The following CNTNAP2 variants were observed in gnomAD, a reference collection of about 807,000 sequenced individuals.
The protein encoded by CNTNAP2 is contactin-associated protein-like 2.
Under a neutral mutation model 155.2 loss-of-function variants are expected in CNTNAP2, and 98 were observed. That is an observed-to-expected ratio of 0.63 (90% CI 0.54 to 0.75). The LOEUF (loss-of-function observed/expected upper bound fraction) is 0.75, where lower values mean the gene tolerates loss of function less well. Ranked by LOEUF, CNTNAP2 falls within the 30% of genes least tolerant of loss-of-function variation. The pLI is 0.00. For missense variants in CNTNAP2, 1,727 were observed against 1,688.1 expected (o/e 1.02, Z -0.40); for synonymous variants, 651 against 631.2 (o/e 1.03, Z -0.47).
At chr7:147,791,451 C>CTTTTTTTTT (rs1240752761) in intron 13 of CNTNAP2, among the ~76,000 whole-genome samples, 1 of 132,626 alleles carries the variant, frequency 7.5e-6, no homozygotes, top group African/African-American at 2.9e-5. Context: ...GTCTCTCTCT[C>CTTTTTTTTT]TCTTTTTTTT....
At chr7:146,946,450 A>ATCTTCATT (rs1397049512) in intron 3 of CNTNAP2, among the ~76,000 whole-genome samples, 2 of 152,180 alleles carry the variant, frequency 1.3e-5, no homozygotes, top group Non-Finnish European at 2.9e-5. Context: ...TAAGTAAAAA[A>ATCTTCATT]TCTTCATTTC....
intron 14 of CNTNAP2, among the ~76,000 whole-genome samples, chr7:147,908,303 C>T (rs867832033): frequency 6.6e-6 from 1 of 152,182 alleles, no homozygotes; most frequent in Non-Finnish European, 1.5e-5. Flanking sequence ...CTCAGGGAGA[C>T]GTGCGAAAGC....
intron 16 of CNTNAP2, among the ~76,000 whole-genome samples, chr7:148,143,304 A>G (rs1484326642): frequency 6.6e-6 from 1 of 152,220 alleles, no homozygotes; most frequent in African/African-American, 2.4e-5. Flanking sequence ...GCTTTCAGTT[A>G]CAATAAAAAT....
intron 1 of CNTNAP2, among the ~76,000 whole-genome samples, chr7:146,496,647 A>G (rs1019725820): frequency 4.6e-5 from 7 of 152,162 alleles, no homozygotes; most frequent in Non-Finnish European, 8.8e-5. Flanking sequence ...CACTTACTTC[A>G]TCCCCTAAAA....
intron 1 of CNTNAP2, among the ~76,000 whole-genome samples, chr7:146,585,507 C>T (rs1227938429): frequency 6.6e-6 from 1 of 151,984 alleles, no homozygotes; most frequent in Non-Finnish European, 1.5e-5. Context: ...AAAACTTGTG[C>T]AAATGCTTTA....
At chr7:146,688,949 T>C (rs1443300903) in intron 1 of CNTNAP2, among the ~76,000 whole-genome samples, 1 of 152,186 alleles carries the variant, frequency 6.6e-6, no homozygotes, top group African/African-American at 2.4e-5. Flanking sequence ...GATATTTAGC[T>C]ATGAAAACTT....
At chr7:147,435,056 T>C (rs529893585) in intron 10 of CNTNAP2, among the ~76,000 whole-genome samples, 401 of 152,322 alleles carry the variant, frequency 2.6e-3, no homozygotes, top group Non-Finnish European at 3.7e-3. Flanking sequence ...GCGATCGTTA[T>C]ATTGATTCAT....
At chr7:147,669,711 C>T (rs992081236) in intron 13 of CNTNAP2, among the ~76,000 whole-genome samples, 1 of 152,180 alleles carries the variant, frequency 6.6e-6, no homozygotes, top group South Asian at 2.1e-4. Context: ...CTCAATTCCA[C>T]TCTTCTTTTG....
At chr7:146,683,284 C>G (rs1238716303) in intron 1 of CNTNAP2, among the ~76,000 whole-genome samples, 1 of 152,154 alleles carries the variant, frequency 6.6e-6, no homozygotes, top group Non-Finnish European at 1.5e-5. Flanking sequence ...ATGCCTGCCT[C>G]GGTCTCCCAA....
intron 1 of CNTNAP2, among the ~76,000 whole-genome samples, chr7:146,291,949 A>T (rs941991812): frequency 1.3e-5 from 2 of 152,210 alleles, no homozygotes; most frequent in Non-Finnish European, 2.9e-5. Flanking sequence ...AGCCCTATGG[A>T]TTGGGAAAGA....
At chr7:146,790,632 C>T (rs1031031415) in intron 2 of CNTNAP2, among the ~76,000 whole-genome samples, 44 of 150,108 alleles carry the variant, frequency 2.9e-4, no homozygotes, top group Admixed American at 2.2e-3. Context: ...TGCAGTGGCG[C>T]GATCTCAGCT....
intron 1 of CNTNAP2, among the ~76,000 whole-genome samples, chr7:146,204,332 C>G (rs940583405): frequency 2.6e-5 from 4 of 152,096 alleles, no homozygotes; most frequent in Non-Finnish European, 5.9e-5. Flanking sequence ...AGCACTGAAA[C>G]TTGTTCTTAA....
At chr7:147,041,631 G>A (rs747723864) in intron 3 of CNTNAP2, among the ~76,000 whole-genome samples, 4 of 152,208 alleles carry the variant, frequency 2.6e-5, no homozygotes, top group East Asian at 1.9e-4. Flanking sequence ...TACTAGTTAC[G>A]TAATGCACTT....
chr7:147,291,680 A>G (rs1348197691), intron 8 of CNTNAP2, among the ~76,000 whole-genome samples: 2 of 152,152 alleles, frequency 1.3e-5, no homozygotes, highest in African/African-American at 4.8e-5. Flanking sequence ...GGGTCATAGG[A>G]TTAATATATG....
chr7:146,618,305 A>G (rs541746961), intron 1 of CNTNAP2, among the ~76,000 whole-genome samples: 2 of 152,358 alleles, frequency 1.3e-5, no homozygotes, highest in Admixed American at 6.5e-5. Flanking sequence ...GTTGATTTAC[A>G]TAAGCATGTT....
At chr7:146,291,653 T>C (rs79520528) in intron 1 of CNTNAP2, among the ~76,000 whole-genome samples, 1 of 152,168 alleles carries the variant, frequency 6.6e-6, no homozygotes, top group South Asian at 2.1e-4. Context: ...CTGCACAGAA[T>C]GAGTAACAGC....
intron 21 of CNTNAP2, among the ~76,000 whole-genome samples, chr7:148,362,406 A>C (rs1798642052): frequency 6.6e-6 from 1 of 152,092 alleles, no homozygotes. Flanking sequence ...CTTTCCATAA[A>C]AAGGTCACAC....
At chr7:146,794,421 T>G (rs1802731400) in intron 2 of CNTNAP2, among the ~76,000 whole-genome samples, 1 of 152,170 alleles carries the variant, frequency 6.6e-6, no homozygotes, top group Admixed American at 6.5e-5. Flanking sequence ...ATGCATTCTT[T>G]AACAAGGATA....
chr7:148,035,289 A>G (rs982073410), intron 15 of CNTNAP2, among the ~76,000 whole-genome samples: 3 of 152,162 alleles, frequency 2.0e-5, no homozygotes, highest in African/African-American at 7.2e-5. Context: ...CAGTGGGAGA[A>G]TTACCCGAAG....
Sources: allele counts gnomAD v4.1 joint callset (sites outside exome capture counted in the v4.1 genomes callset), GRCh38; gene constraint gnomAD v4.1.1; transcripts MANE v1.5; gene names NCBI Gene and HGNC (gene_info 2026-07-23, HGNC 2026-07-21).